The following SCMH1 variants were observed in gnomAD, a reference collection of about 807,000 sequenced individuals.
SCMH1 encodes the protein Scm polycomb group protein homolog 1, also known as polycomb protein SCMH1.
In SCMH1, 37 loss-of-function variants were observed where a neutral mutation model predicts 70.8. That is an observed-to-expected ratio of 0.52 (90% CI 0.40 to 0.69). SCMH1 has a LOEUF of 0.69. SCMH1 is among the 30% of genes least tolerant of loss of function. SCMH1 has a pLI of 0.00. For synonymous variants in SCMH1, 292 were observed against 307.4 expected, an observed-to-expected ratio of 0.95 and a Z score of 0.52; for missense variants, 607 against 827.3, an observed-to-expected ratio of 0.73 and a Z score of 3.27.
intron 2 of SCMH1, among the ~76,000 whole-genome samples, chr1:41,173,892 T>C (rs761119576): frequency 1.3e-5 from 2 of 152,046 alleles, no homozygotes; most frequent in Non-Finnish European, 2.9e-5. Flanking sequence ...TTTGGTCATA[T>C]GTGGAAGCTA....
chr1:41,235,079 C>A (rs1351686905), intron 1 of SCMH1, among the ~76,000 whole-genome samples: 2 of 152,116 alleles, frequency 1.3e-5, no homozygotes, highest in Non-Finnish European at 2.9e-5. Flanking sequence ...ATGCCCAATG[C>A]ATTTTGAATA....
At position 41,113,027 on chromosome 1, in the gene SCMH1, T is replaced by C. The variant is rs915015686; in HGVS notation, c.745+256A>G. ...TAAGAGAGATGAAAAGCTGGTTGCC[T>C]GAGAATAAACCAGGATATGTAGAGC... On this transcript the variant is annotated intron_variant, in intron 8 of 14. Transcript: ENST00000337495. The surrounding 1 kb of genome is among the most constrained non-coding windows in gnomAD (Gnocchi z 4.3). 6.6e-6 allele frequency among the ~76,000 whole-genome samples: 1 copy of C among 152,220 alleles called. No homozygotes were observed. The highest frequency in any genetic ancestry group is 1.5e-5 in the Non-Finnish European group (1 of 68,038).
In SCMH1 at chr1:41,092,724, C is replaced by A. The variant is rs370424253; in HGVS notation, c.746-17273G>T. ...AAAAGTGGGCAAAGGATATGAACAG[C>A]CACTTCTCAAAAGAAGACATTTATG... On this transcript the variant is annotated intron_variant, in intron 8 of 14. Transcript: ENST00000337495. Among the ~76,000 whole-genome samples, 24 of 152,110 alleles carry A rather than the reference C, an allele frequency of 1.6e-4. 1 individual carries two copies. Among genetic ancestry groups the A allele is most frequent in the Middle Eastern group, 3.4e-3 (1 of 294 alleles).
chr1:41,206,040 C>G (rs939382130), intron 1 of SCMH1, among the ~76,000 whole-genome samples: 6 of 151,052 alleles, frequency 4.0e-5, no homozygotes, highest in Non-Finnish European at 7.4e-5. Flanking sequence ...ATCTGTAGGT[C>G]ACCAACATCA....
intron 5 of SCMH1, among the ~76,000 whole-genome samples, chr1:41,145,763 TC>T (rs945988377): frequency 1.3e-5 from 2 of 152,152 alleles, no homozygotes; most frequent in African/African-American, 4.8e-5. Flanking sequence ...GCTAAAAAAT[TC>T]CTGTATCCTA....
intron 4 of SCMH1, among the ~76,000 whole-genome samples, chr1:41,156,679 T>C (rs1645578704): frequency 6.6e-6 from 1 of 152,288 alleles, no homozygotes; most frequent in East Asian, 1.9e-4. Context: ...GCTCAAGTGA[T>C]CTAACTGCCT....
chr1:41,113,170 TC>T lies in SCMH1; in HGVS notation c.745+112del. ...TTTTACCTAAGCTGCTGGCCCTTGC[TC>T]CTCCCCTGCATACTAGTGAAGTATA... On this transcript the variant is annotated intron_variant, in intron 8 of 14. Transcript: ENST00000337495. The surrounding 1 kb of genome is among the most constrained non-coding windows in gnomAD (Gnocchi z 4.3). 7.3e-7 allele frequency: 1 copy of T among 1,376,226 alleles called. No individual in the cohort carries two copies. Among genetic ancestry groups the T allele is most frequent in the Non-Finnish European group, 9.8e-7 (1 of 1,017,450 alleles). The allele number at this position is 1,376,226 out of a possible 1,614,324, so 85.3% of individuals were successfully genotyped here. A position where few individuals can be genotyped will look rare whatever the true frequency, so the allele number is the denominator to read the frequency against.
chr1:41,135,356 T>C (rs1435233439), intron 6 of SCMH1, among the ~76,000 whole-genome samples: 3 of 152,160 alleles, frequency 2.0e-5, no homozygotes, highest in Non-Finnish European at 4.4e-5. Flanking sequence ...CATATGATGA[T>C]AGGGACCCAG....
chr1:41,135,300 T>C lies in SCMH1; in HGVS notation c.412+7578A>G, dbSNP rs1296403941. ...TCAGGCCTTACATGCTTTAGCTGTG[T>C]CCCCACCCAAATCCTCATCTTGAAT... On this transcript the variant is annotated intron_variant, in intron 6 of 14. Transcript: ENST00000337495. Among the ~76,000 whole-genome samples, 4 of 152,122 alleles carry C rather than the reference T, an allele frequency of 2.6e-5. No individual in the cohort carries two copies. In the East Asian group the frequency reaches 5.8e-4, roughly 22 times the overall value.
intron 10 of SCMH1, among the ~76,000 whole-genome samples, chr1:41,060,415 G>C (rs1054580424): frequency 6.6e-6 from 1 of 150,486 alleles, no homozygotes; most frequent in African/African-American, 2.4e-5. Flanking sequence ...AAAACCCACC[G>C]ACCTAAAGTT....
chr1:41,095,076 G>A (rs1014563100), intron 8 of SCMH1, among the ~76,000 whole-genome samples: 2 of 151,408 alleles, frequency 1.3e-5, no homozygotes, highest in Admixed American at 6.6e-5. Flanking sequence ...ATAAATTATC[G>A]CTACCAGTTT....
exon 2 of SCMH1, chr1:41,186,168 A>G (rs1406388274): frequency 1.4e-5 from 18 of 1,275,178 alleles, no homozygotes; most frequent in Non-Finnish European, 1.9e-5. Flanking sequence ...AGGGGTTAAG[A>G]AGTTTGGGAT....
At chr1:41,219,704 C>T (rs1030817969) in intron 1 of SCMH1, among the ~76,000 whole-genome samples, 4 of 152,098 alleles carry the variant, frequency 2.6e-5, no homozygotes, top group Admixed American at 1.3e-4. Context: ...CCAAGGTGGG[C>T]GGATCACTTG....
intron 6 of SCMH1, among the ~76,000 whole-genome samples, chr1:41,132,537 T>C (rs1051411025): frequency 5.3e-5 from 8 of 152,110 alleles, no homozygotes; most frequent in African/African-American, 1.2e-4. Context: ...TGTGCAGAAG[T>C]TCTTTATTTT....
intron 1 of SCMH1, among the ~76,000 whole-genome samples, chr1:41,208,604 G>T (rs1042846447): frequency 6.6e-6 from 1 of 151,948 alleles, no homozygotes; most frequent in Admixed American, 6.6e-5. Flanking sequence ...ACATGGAAAC[G>T]GAACAACCTG....
chr1:41,048,393 C>T (rs1209131567), intron 11 of SCMH1, among the ~76,000 whole-genome samples: 1 of 152,168 alleles, frequency 6.6e-6, no homozygotes, highest in Non-Finnish European at 1.5e-5. Flanking sequence ...GCTGCCACAA[C>T]ATAGCCCCCT....
chr1:41,141,947 A>G (rs548284402), intron 6 of SCMH1, among the ~76,000 whole-genome samples: 4 of 152,330 alleles, frequency 2.6e-5, no homozygotes, highest in Non-Finnish European at 4.4e-5. Flanking sequence ...ATCCTTGCCC[A>G]TGACAGAGAC....
At chr1:41,236,042 G>T (rs1211739368) in intron 1 of SCMH1, among the ~76,000 whole-genome samples, 1 of 152,146 alleles carries the variant, frequency 6.6e-6, no homozygotes, top group Non-Finnish European at 1.5e-5. Context: ...AGTGTTGCAT[G>T]AATATTTTTG....
intron 6 of SCMH1, among the ~76,000 whole-genome samples, chr1:41,140,056 A>G (rs1643903412): frequency 6.6e-6 from 1 of 152,174 alleles, no homozygotes; most frequent in African/African-American, 2.4e-5. Flanking sequence ...TAAGGAAAAA[A>G]TGCAAATAAA....
Sources: allele counts gnomAD v4.1 joint callset (sites outside exome capture counted in the v4.1 genomes callset), GRCh38; gene constraint gnomAD v4.1.1; non-coding constraint Gnocchi (gnomAD v3.1); transcripts MANE v1.5; gene names NCBI Gene and HGNC (gene_info 2026-07-23, HGNC 2026-07-21).